EPX: variants seen among roughly 807,000 people sequenced by gnomAD.
The protein encoded by EPX is eosinophil peroxidase.
In EPX, 60 loss-of-function variants were observed where a neutral mutation model predicts 73.0. That is an observed-to-expected ratio of 0.82 (90% CI 0.67 to 1.02). EPX has a LOEUF of 1.02. Among genes scored for constraint, EPX ranks in the 50% least tolerant of loss-of-function variants. EPX has a pLI of 0.00. For missense variants in EPX, 950 were observed against 973.9 expected (o/e 0.98, Z 0.33); for synonymous variants, 347 against 389.2 (o/e 0.89, Z 1.28).
chr17:58,195,269 G>A, intron 6 of EPX, 99 bp downstream of exon 6: 1 of 933,108 alleles, frequency 1.1e-6, no homozygotes, highest in East Asian at 2.4e-5. Flanking sequence ...CCATCCTTAA[G>A]GAGCTGCCTG....
chr17:58,193,468 G>A lies in EPX; in HGVS notation c.268G>A (p.Ala90Thr), dbSNP rs200333656. Reference protein sequence around the residue: ...VAATRTVVRAADYMHVALGLL... With the variant: ...VAATRTVVRATDYMHVALGLL... ...AGCCACCAGGACAGTTGTTCGGGCC[G>A]CAGATTATATGCATGTGGCTTTGGG... is the stretch of plus-strand genomic sequence containing the variant. Residue 90 changes from alanine (A) to threonine (T), a missense_variant, in exon 3 of 13, where the codon GCA becomes ACA. Coordinates refer to ENST00000225371, the MANE Select transcript of EPX (RefSeq NM_000502.6). The A allele has an allele frequency of 1.1e-5, 17 of 1,614,052 alleles. No individual in the cohort carries two copies. The highest frequency in any genetic ancestry group is 5.0e-5 in the Admixed American group (3 of 60,002).
In EPX at chr17:58,194,004, G is replaced by A. The variant is rs780229286; in HGVS notation, c.506G>A (p.Arg169His). Residue 169 changes from arginine to histidine, a missense_variant, in exon 5 of 13, where the codon CGC becomes CAC. Physicochemically the swap from Arg to His is conservative, Grantham distance 29 (BLOSUM62 0). Transcript: ENST00000225371. The stretch of plus-strand genomic sequence containing the variant: ...GGGGCCTCCAACCAGGCTCTGGCTC[G>A]CTGGCTGCCCGCCGAGTATGAGGAT... Reference protein sequence around the residue: ...LLGASNQALARWLPAEYEDGL... With the variant: ...LLGASNQALAHWLPAEYEDGL... The A allele has an allele frequency of 1.2e-5, 19 of 1,612,976 alleles. No homozygotes were observed. Among genetic ancestry groups the A allele is most frequent in the East Asian group, 2.2e-5 (1 of 44,882 alleles).
chr17:58,200,255 T>C lies in EPX; in HGVS notation c.1568T>C (p.Met523Thr), dbSNP rs532514809. 8.7e-6 allele frequency: 14 copies of C among 1,614,184 alleles called. No homozygotes were observed. In the South Asian group the frequency reaches 1.2e-4, roughly 14 times the overall value. The change falls in exon 10 of 13, where the codon ATG becomes ACG. Residue 523 changes from methionine (M) to threonine (T), a missense_variant. By Grantham distance (81) the Met-to-Thr change is moderately conservative. Coordinates refer to ENST00000225371, the MANE Select transcript of EPX (RefSeq NM_000502.6). ...GGIDPILRGL[M>T]ATPAKLNRQD... The stretch of plus-strand genomic sequence containing the variant: ...ATCGACCCCATCCTCCGGGGCCTCA[T>C]GGCCACCCCTGCCAAGCTGAACCGT...
chr17:58,203,051 C>T lies in EPX; in HGVS notation c.1709-30C>T, dbSNP rs1567790781. Reference sequence around the variant, plus strand: ...AGAAGCTAATGGGAGATCAGCAAGACTGAAGCTGCTTCTCCCCGTTCCCCT... The same window carrying T: ...AGAAGCTAATGGGAGATCAGCAAGATTGAAGCTGCTTCTCCCCGTTCCCCT... On this transcript the variant is annotated intron_variant, in intron 10 of 12. Transcript: ENST00000225371. 2.6e-6 allele frequency: 4 copies of T among 1,527,090 alleles called. 1 individual carries two copies. The allele number at this position is 1,527,090 out of a possible 1,614,324, so 94.6% of individuals were successfully genotyped here.
At chr17:58,202,865 G>A in intron 10 of EPX, 1 of 598,400 alleles carries the variant, frequency 1.7e-6, no homozygotes, top group Non-Finnish European at 3.0e-6. Flanking sequence ...ACACTCCTCA[G>A]TCTGATGCAC....
intron 9 of EPX, 35 bp downstream of exon 9, chr17:58,199,829 G>T: frequency 6.2e-7 from 1 of 1,606,128 alleles, no homozygotes. Context: ...ATGGGGGTGA[G>T]GGTGGGGAGC....
At position 58,200,273 on chromosome 17, in the gene EPX, T is replaced by C; in HGVS notation, c.1586T>C (p.Leu529Pro). Residue 529 changes from leucine to proline, a missense_variant, in exon 10 of 13, where the codon CTG (leucine) becomes CCG (proline). Coordinates refer to ENST00000225371, the MANE Select transcript of EPX (RefSeq NM_000502.6). ...LRGLMATPAKLNRQDAMLVDE... is the reference protein window; with the variant it reads ...LRGLMATPAKPNRQDAMLVDE... ...GGCCTCATGGCCACCCCTGCCAAGC[T>C]GAACCGTCAGGATGCCATGTTAGTG... is the stretch of plus-strand genomic sequence containing the variant. The C allele has an allele frequency of 6.2e-7, 1 of 1,614,200 alleles. No individual in the cohort carries two copies. The highest frequency in any genetic ancestry group is 8.5e-7 in the Non-Finnish European group (1 of 1,180,014).
chr17:58,197,614 T>C (rs1051082769), intron 7 of EPX, among the ~76,000 whole-genome samples: 1 of 152,164 alleles, frequency 6.6e-6, no homozygotes, highest in African/African-American at 2.4e-5. Context: ...AAAGACACTG[T>C]CCCTCTTACA....
chr17:58,196,998 G>A lies in EPX; in HGVS notation c.861G>A (p.Ser287=), dbSNP rs749756879. 2.4e-5 allele frequency: 38 copies of A among 1,613,858 alleles called. No individual in the cohort carries two copies. Among genetic ancestry groups the A allele is most frequent in the Admixed American group, 1.3e-4 (8 of 59,968 alleles). Residue 287 remains serine (S), a synonymous_variant, in exon 7 of 13, where the codon TCG becomes TCA. Coordinates refer to ENST00000225371, the MANE Select transcript of EPX (RefSeq NM_000502.6). ...NQRDCIPFFR[S]APSCPQNKNR... is the part of the protein sequence containing the mutation. ...GTGACTGCATCCCTTTCTTCCGCTC[G>A]GCACCCTCATGCCCCCAAAACAAGA...
At chr17:58,201,016 C>T (rs35706110) in intron 10 of EPX, among the ~76,000 whole-genome samples, 9,776 of 152,298 alleles carry the variant, frequency 0.064, 573 homozygotes, top group African/African-American at 0.15. Flanking sequence ...TGTTCAGAGA[C>T]AGCTAGTAAT....
rs760463240 is a variant in EPX at position 58,199,179 on chromosome 17, G to A, written c.1260G>A (p.Lys420=). The A allele has an allele frequency of 1.2e-6, 2 of 1,614,138 alleles. No homozygotes were observed. Among genetic ancestry groups the A allele is most frequent in the Admixed American group, 3.3e-5 (2 of 60,022 alleles). ...NGDKLYNEAR[K]IMGAMVQIIT... is the part of the protein sequence containing the mutation. ...ACAAACTGTACAATGAGGCTCGGAA[G>A]ATCATGGGGGCCATGGTCCAGGTAA... The change falls in exon 8 of 13, where the codon AAG becomes AAA. Residue 420 remains lysine (K), a synonymous_variant. Transcript: ENST00000225371.
Position 58,194,088 on chromosome 17 carries a change from C to T in EPX, c.590C>T (p.Pro197Leu). 2.5e-6 allele frequency: 4 copies of T among 1,613,284 alleles called. No individual in the cohort carries two copies. Among genetic ancestry groups the T allele is most frequent in the Non-Finnish European group, 3.4e-6 (4 of 1,179,982 alleles). Residue 197 changes from proline to leucine, a missense_variant, in exon 5 of 13, where the codon CCT (proline) becomes CTT (leucine). Pro to Leu is a moderately conservative substitution (Grantham distance 98). Coordinates refer to ENST00000225371, the MANE Select transcript of EPX (RefSeq NM_000502.6). ...AGGAGGCGCAATGGCTTCCTTCTCC[C>T]TCTTGTGAGTTGGGGCTGAGGGTTT... Reference protein sequence around the residue: ...PSRRRNGFLLPLVRAVSNQIV... With the variant: ...PSRRRNGFLLLLVRAVSNQIV...
In EPX at chr17:58,200,395, G is replaced by T; in HGVS notation, c.1708G>T (p.Gly570Trp). The T allele has an allele frequency of 1.2e-6, 2 of 1,614,104 alleles. No homozygotes were observed. The highest frequency in any genetic ancestry group is 2.7e-5 in the African/African-American group (2 of 75,050). The change falls in exon 10 of 13, where the codon GGG (glycine) becomes TGG (tryptophan). Residue 570 changes from glycine (G) to tryptophan (W), a missense_variant and splice_region_variant. Coordinates refer to ENST00000225371, the MANE Select transcript of EPX (RefSeq NM_000502.6). ...ACGAAGCCGGGACCACGGCCTTCCA[G>T]GTGAGGGGGCTGTCCACCTCTTCTC... ...MQRSRDHGLP[G>W]YNAWRRFCGL...
In EPX at chr17:58,193,392, C is replaced by A. The variant is rs765596608; in HGVS notation, c.192C>A (p.Ser64Arg). 6.8e-6 allele frequency: 11 copies of A among 1,614,092 alleles called. No homozygotes were observed. Among genetic ancestry groups the A allele is most frequent in the Admixed American group, 6.7e-5 (4 of 60,008 alleles). The part of the protein sequence containing the change: ...TQKSIKQRLR[S>R]GSASPMDLLS... Reference sequence around the variant, plus strand: ...GCAGCATCAAGCAGCGGCTTCGCAGCGGTTCAGCCAGCCCCATGGACCTCC... The same window carrying A: ...GCAGCATCAAGCAGCGGCTTCGCAGAGGTTCAGCCAGCCCCATGGACCTCC... The change falls in exon 3 of 13, where the codon AGC becomes AGA. Residue 64 changes from serine (S) to arginine (R), a missense_variant. Transcript: ENST00000225371.
chr17:58,197,008 T>G lies in EPX; in HGVS notation c.871T>G (p.Cys291Gly). The G allele has an allele frequency of 6.2e-7, 1 of 1,614,022 alleles. No homozygotes were observed. Among genetic ancestry groups the G allele is most frequent in the African/African-American group, 1.3e-5 (1 of 74,898 alleles). Residue 291 changes from cysteine to glycine, a missense_variant, in exon 7 of 13, where the codon TGC (cysteine) becomes GGC (glycine). Coordinates refer to ENST00000225371, the MANE Select transcript of EPX (RefSeq NM_000502.6). The stretch of plus-strand genomic sequence containing the variant: ...CCCTTTCTTCCGCTCGGCACCCTCA[T>G]GCCCCCAAAACAAGAACAGAGTCCG... ...CIPFFRSAPS[C>G]PQNKNRVRNQ...
intron 7 of EPX, 92 bp downstream of exon 7, chr17:58,197,349 TG>T: frequency 6.7e-7 from 1 of 1,492,862 alleles, no homozygotes; most frequent in South Asian, 1.1e-5. Context: ...TGAAGGTACA[TG>T]GTTTGGGACC....
rs571025460 is a variant in EPX, at chr17:58,202,979, A to G, written c.1709-102A>G. 1.9e-5 allele frequency: 16 copies of G among 857,110 alleles called. No homozygotes were observed. The East Asian group carries it at 3.9e-4, about 21-fold the overall frequency. The allele number at this position is 857,110 out of a possible 1,614,324, so 53.1% of individuals were successfully genotyped here. A position where few individuals can be genotyped will look rare whatever the true frequency, so the allele number is the denominator to read the frequency against. ...CAGCAGGATCTTCTGGTTCTGCCCA[A>G]TATTGACTGGCCACAGCTTCCCCCC... On this transcript the variant is annotated intron_variant, in intron 10 of 12. Coordinates refer to ENST00000225371, the MANE Select transcript of EPX (RefSeq NM_000502.6).
intron 10 of EPX, among the ~76,000 whole-genome samples, chr17:58,201,532 G>T (rs1407788889): frequency 1.3e-5 from 2 of 152,230 alleles, no homozygotes; most frequent in South Asian, 4.1e-4. Flanking sequence ...TACAGCTGGG[G>T]TACTGGGTAT....
rs186964682 is a variant in EPX, at chr17:58,200,228, G to A, written c.1541G>A (p.Gly514Asp). 7 of 1,614,076 alleles carry A rather than the reference G, an allele frequency of 4.3e-6. No individual in the cohort carries two copies. In the East Asian group the frequency reaches 1.1e-4, roughly 26 times the overall value. The change falls in exon 10 of 13, where the codon GGC becomes GAC. Residue 514 changes from glycine (G) to aspartate (D), a missense_variant. By Grantham distance (94) the Gly-to-Asp change is moderately conservative. Coordinates refer to ENST00000225371, the MANE Select transcript of EPX (RefSeq NM_000502.6). ...FASWRIVYEGGIDPILRGLMA... is the reference protein window; with the variant it reads ...FASWRIVYEGDIDPILRGLMA... ...TGCTCACATTCCCTGCCACCAGGGG[G>A]CATCGACCCCATCCTCCGGGGCCTC... is the stretch of plus-strand genomic sequence containing the variant.
Sources: gnomAD v4.1 joint callset for allele counts (sites outside exome capture counted in the v4.1 genomes callset) on GRCh38, gnomAD v4.1.1 for gene constraint, MANE v1.5 for transcripts, NCBI Gene and HGNC (gene_info 2026-07-23, HGNC 2026-07-21) for gene names.